KRT1: variants seen among roughly 807,000 people sequenced by gnomAD.
KRT1 encodes keratin 1, also known as keratin, type II cytoskeletal 1.
In KRT1, 28 loss-of-function variants were observed where a neutral mutation model predicts 51.6. The observed-to-expected ratio is 0.54, with a 90% CI of 0.40 to 0.74. The LOEUF (loss-of-function observed/expected upper bound fraction) is 0.74. Among genes scored for constraint, KRT1 ranks in the 30% least tolerant of loss-of-function variants. The pLI is 0.00. For synonymous variants in KRT1, 301 were observed against 307.7 expected (o/e 0.98, Z 0.23); for missense variants, 783 against 815.5 (o/e 0.96, Z 0.49).
chr12:52,677,553 G>A lies in KRT1; in HGVS notation c.964-73C>T, dbSNP rs1051295931. ...ACAACTTAGACAGAGAAAGCAGTCA[G>A]AAAATAAAAGATAAATATCTATTCT... On this transcript the variant is annotated intron_variant, in intron 4 of 8. Transcript: ENST00000252244. The A allele has an allele frequency of 1.1e-5, 18 of 1,605,598 alleles. No homozygotes were observed. In the Admixed American group the frequency reaches 1.2e-4, roughly 10 times the overall value.
intron 2 of KRT1, 67 bp downstream of exon 2, chr12:52,678,475 T>C: frequency 1.4e-6 from 2 of 1,476,556 alleles, no homozygotes; most frequent in Admixed American, 1.7e-5. Flanking sequence ...CTTCATGATC[T>C]TAGCTTATTA....
intron 2 of KRT1, 118 bp from the exon 3 acceptor site, chr12:52,678,341 T>G (rs1008630670): frequency 9.2e-7 from 1 of 1,088,512 alleles, no homozygotes; most frequent in Non-Finnish European, 1.4e-6. Flanking sequence ...TAGGACATAT[T>G]GGCCACTACT....
chr12:52,677,797 T>G (rs752789791), intron 3 of KRT1, 52 bp from the exon 4 acceptor site: 14 of 1,462,850 alleles, frequency 9.6e-6, no homozygotes, highest in Non-Finnish European at 1.2e-5. Context: ...GGCAGGTCCC[T>G]CTCATTACCT....
In KRT1 at chr12:52,676,348, G is replaced by A. The variant is rs1168336214; in HGVS notation, c.1402C>T (p.Leu468=). The A allele has an allele frequency of 1.2e-6, 2 of 1,614,174 alleles. No homozygotes were observed. The highest frequency in any genetic ancestry group is 1.7e-6 in the Non-Finnish European group (2 of 1,180,028). Residue 468 remains leucine (L), a synonymous_variant, in exon 7 of 9, where the codon CTG becomes TTG. Coordinates refer to ENST00000252244, the MANE Select transcript of KRT1 (RefSeq NM_006121.4). Reference sequence around the variant, plus strand: ...TCCAGGGCCAGCTTTGTGTTCATCAGCTCCTGGTAGTCGCGCAGCAGGCGG... The same window carrying A: ...TCCAGGGCCAGCTTTGTGTTCATCAACTCCTGGTAGTCGCGCAGCAGGCGG... ...LARLLRDYQE[L]MNTKLALDLE... is the part of the protein sequence containing the mutation.
chr12:52,678,904 G>T (rs1941547259), intron 1 of KRT1, 148 bp from the exon 2 acceptor site: 3 of 781,436 alleles, frequency 3.8e-6, no homozygotes, highest in Non-Finnish European at 6.4e-6. Context: ...AATATCATCT[G>T]CATAATAAAA....
intron 6 of KRT1, 68 bp downstream of exon 6, chr12:52,676,991 C>G (rs1941515758): frequency 6.3e-7 from 1 of 1,589,304 alleles, no homozygotes; most frequent in South Asian, 1.1e-5. Context: ...ACTAGGAAAG[C>G]ACTCGCCCTT....
chr12:52,676,620 C>T (rs1459818147), intron 6 of KRT1, 125 bp from the exon 7 acceptor site: 6 of 873,384 alleles, frequency 6.9e-6, no homozygotes, highest in Non-Finnish European at 1.1e-5. Flanking sequence ...CTTAAGTCAT[C>T]TCACACCCAC....
Position 52,676,398 on chromosome 12 carries a change from A to G in KRT1, c.1352T>C (p.Leu451Pro), listed in dbSNP as rs1941504414. 6.2e-7 allele frequency: 1 copy of G among 1,614,132 alleles called. No homozygotes were observed. Among genetic ancestry groups the G allele is most frequent in the Non-Finnish European group, 8.5e-7 (1 of 1,179,980 alleles). The change falls in exon 7 of 9, where the codon CTG becomes CCG. Residue 451 changes from leucine to proline, a missense_variant. By Grantham distance (98) the Leu-to-Pro change is moderately conservative (BLOSUM62 -3). Transcript: ENST00000252244. The stretch of plus-strand genomic sequence containing the variant: ...GGCCAGGTCTTCCTTGGCCTGCTGC[A>G]GGGCATCCTCCAGGTCATTCAGCTT... ...KNKLNDLEDALQQAKEDLARL... is the reference protein window; with the variant it reads ...KNKLNDLEDAPQQAKEDLARL...
At chr12:52,677,522 CA>C in intron 4 of KRT1, 42 bp from the exon 5 acceptor site, 1 of 1,612,452 alleles carries the variant, frequency 6.2e-7, no homozygotes, top group East Asian at 2.2e-5. Context: ...AGCACTAAAA[CA>C]AAAAACAACT....
intron 1 of KRT1, 33 bp from the exon 2 acceptor site, chr12:52,678,789 A>G: frequency 6.4e-7 from 1 of 1,563,138 alleles, no homozygotes; most frequent in Non-Finnish European, 8.8e-7. Context: ...CTCCTGATGC[A>G]TAAATGGAGT....
chr12:52,676,522 T>A lies in KRT1; in HGVS notation c.1255-27A>T, dbSNP rs997346574. On this transcript the variant is annotated intron_variant, in intron 6 of 8. Coordinates refer to ENST00000252244, the MANE Select transcript of KRT1 (RefSeq NM_006121.4). ...TGAAAAAGAATATGACACCCTCTCA[T>A]AATATGCATTCCCCACTAGGCCTCC... The A allele has an allele frequency of 1.9e-6, 3 of 1,610,002 alleles. No homozygotes were observed. The African/African-American group carries it at 4.0e-5, about 22-fold the overall frequency.
In KRT1 at chr12:52,676,297, G is replaced by A. The variant is rs1555171247; in HGVS notation, c.1453C>T (p.Leu485Phe). 1.2e-6 allele frequency: 2 copies of A among 1,614,060 alleles called. No individual in the cohort carries two copies. The highest frequency in any genetic ancestry group is 1.7e-6 in the Non-Finnish European group (2 of 1,179,950). Residue 485 changes from leucine (L) to phenylalanine (F), a missense_variant, in exon 7 of 9, where the codon CTC becomes TTC. Physicochemically the swap from Leu to Phe is conservative, Grantham distance 22 (BLOSUM62 0). Transcript: ENST00000252244. ...LDLEIATYRT[L>F]LEGEESRMSG... Reference sequence around the variant, plus strand: ...CACCTGCTTTCTTCTCCCTCCAGGAGGGTCCTGTAGGTGGCAATCTCCAGA... The same window carrying A: ...CACCTGCTTTCTTCTCCCTCCAGGAAGGTCCTGTAGGTGGCAATCTCCAGA...
At chr12:52,679,497 C>T (rs767205191) in intron 1 of KRT1, among the ~76,000 whole-genome samples, 37 of 152,198 alleles carry the variant, frequency 2.4e-4, no homozygotes, top group Non-Finnish European at 4.4e-4. Flanking sequence ...CAATTCCGCT[C>T]AAGAGCTGAA....
intron 2 of KRT1, 56 bp downstream of exon 2, chr12:52,678,486 C>T (rs1941541824): frequency 6.5e-7 from 1 of 1,539,924 alleles, no homozygotes; most frequent in Admixed American, 1.7e-5. Flanking sequence ...TAGCTTATTA[C>T]TTTCTGGAAC....
chr12:52,680,214 T>G lies in KRT1; in HGVS notation c.135A>C (p.Arg45Ser). The G allele has an allele frequency of 6.2e-7, 1 of 1,613,808 alleles. No homozygotes were observed. The change falls in exon 1 of 9, where the codon AGA becomes AGC. Residue 45 changes from arginine to serine, a missense_variant. Arg to Ser is a moderately radical substitution (Grantham distance 110, BLOSUM62 -1). Transcript: ENST00000252244. ...STRRSGGGGG[R>S]FSSCGGGGGS... ...CACCACCACCACCACAGCTTGAAAATCTCCCACCACCTCCTCCACTGCGGC... is the reference window on the plus strand; with the variant it reads ...CACCACCACCACCACAGCTTGAAAAGCTCCCACCACCTCCTCCACTGCGGC...
rs1375839298 is a variant in KRT1 at position 52,675,021 on chromosome 12, C to G, written c.*172G>C. 3 of 942,672 alleles carry G rather than the reference C, an allele frequency of 3.2e-6. No homozygotes were observed. The highest frequency in any genetic ancestry group is 5.1e-6 in the Non-Finnish European group (3 of 586,800). The allele number at this position is 942,672 out of a possible 1,614,324, so 58.4% of individuals were successfully genotyped here. ...ACTGAGATTGCCACTGATCTGAAAA[C>G]TTCATTGGGAAACAGCAGAAAAGAA... On this transcript the variant is annotated 3_prime_UTR_variant, in exon 9 of 9. Coordinates refer to ENST00000252244, the MANE Select transcript of KRT1 (RefSeq NM_006121.4).
chr12:52,675,950 C>T (rs910430303), intron 7 of KRT1, among the ~76,000 whole-genome samples: 1 of 151,898 alleles, frequency 6.6e-6, no homozygotes, highest in Admixed American at 6.6e-5. Context: ...CCCATATAAA[C>T]GAGACAAGAG....
chr12:52,676,555 A>G, intron 6 of KRT1, 60 bp from the exon 7 acceptor site: 1 of 1,558,792 alleles, frequency 6.4e-7, no homozygotes, highest in Non-Finnish European at 8.8e-7. Flanking sequence ...TCCTCATCCC[A>G]ATTGGTCTCC....
chr12:52,675,235 G>C lies in KRT1; in HGVS notation c.1893C>G (p.Ser631Arg). ...GGVKSSGGSS[S>R]VKFVSTTYSG... is the part of the protein sequence containing the mutation. ...AATAAGTGGTAGAAACAAACTTCAC[G>C]CTGGAACTGCCACCAGAGGACTTGA... The change falls in exon 9 of 9, where the codon AGC becomes AGG. Residue 631 changes from serine to arginine, a missense_variant. By Grantham distance (110) the Ser-to-Arg change is moderately radical. Coordinates refer to ENST00000252244, the MANE Select transcript of KRT1 (RefSeq NM_006121.4). 5 of 1,613,884 alleles carry C rather than the reference G, an allele frequency of 3.1e-6. No homozygotes were observed. Among genetic ancestry groups the C allele is most frequent in the Non-Finnish European group, 3.4e-6 (4 of 1,180,014 alleles).
Sources: gnomAD v4.1 joint callset for allele counts (sites outside exome capture counted in the v4.1 genomes callset) on GRCh38, gnomAD v4.1.1 for gene constraint, MANE v1.5 for transcripts, NCBI Gene and HGNC (gene_info 2026-07-23, HGNC 2026-07-21) for gene names.